ACACA: variants seen among roughly 807,000 people sequenced by gnomAD.
ACACA encodes acetyl-CoA carboxylase alpha.
In ACACA, 103 loss-of-function variants were observed where a neutral mutation model predicts 296.1. That is an observed-to-expected ratio of 0.35 (90% CI 0.30 to 0.41). The LOEUF (loss-of-function observed/expected upper bound fraction) is 0.41. Ranked by LOEUF, ACACA falls within the 10% of genes least tolerant of loss-of-function variation. ACACA has a pLI of 1.00. For missense variants in ACACA, 1,554 were observed against 2,989.7 expected (o/e 0.52, Z 11.20); for synonymous variants, 953 against 1,038.6 (o/e 0.92, Z 1.58).
intron 3 of ACACA, among the ~76,000 whole-genome samples, chr17:37,325,686 T>C (rs1442546333): frequency 7.1e-6 from 1 of 141,508 alleles, no homozygotes; most frequent in African/African-American, 2.7e-5. Flanking sequence ...GCACTTCTCC[T>C]GCCTCAGCCT....
At chr17:37,348,702 C>T (rs9893734) in intron 1 of ACACA, among the ~76,000 whole-genome samples, 28,858 of 151,788 alleles carry the variant, frequency 0.19, 3,095 homozygotes, top group Admixed American at 0.33. Flanking sequence ...TATACGGGCG[C>T]GGTAATTCCA....
chr17:37,246,742 T>C (rs966481168), intron 19 of ACACA, 84 bp downstream of exon 19: 4 of 1,559,130 alleles, frequency 2.6e-6, no homozygotes, highest in South Asian at 2.2e-5. Context: ...CTCCTTTCTG[T>C]AACTTTTCAG....
Position 37,087,293 on chromosome 17 carries a change from C to T in ACACA, c.*23G>A. 6.2e-7 allele frequency: 1 copy of T among 1,613,930 alleles called. No individual in the cohort carries two copies. ...CTAGCCCTTTTCTCCAGAGACAGGG[C>T]AGGGACAGGCAGGAAGCTCTTCCTA... On this transcript the variant is annotated 3_prime_UTR_variant, in exon 56 of 56. Transcript: ENST00000616317.
chr17:37,356,409 C>T (rs1468090407), intron 1 of ACACA, among the ~76,000 whole-genome samples: 1 of 151,974 alleles, frequency 6.6e-6, no homozygotes, highest in Non-Finnish European at 1.5e-5. Flanking sequence ...GACGGAGTCT[C>T]ACTCTGTCAC....
At chr17:37,285,120 G>T (rs2082708247) in intron 3 of ACACA, 150 bp from the exon 4 acceptor site, 35 of 871,166 alleles carry the variant, frequency 4.0e-5, no homozygotes, top group East Asian at 1.3e-4. Context: ...AGAGAGAAAA[G>T]AAAATGATCT....
chr17:37,242,598 G>GTGCA (rs2080470247), intron 22 of ACACA, among the ~76,000 whole-genome samples: 1 of 152,080 alleles, frequency 6.6e-6, no homozygotes, highest in South Asian at 2.1e-4. Flanking sequence ...GGGCATAGTG[G>GTGCA]TGCACATCTG....
intron 3 of ACACA, among the ~76,000 whole-genome samples, chr17:37,297,969 A>G (rs1385443796): frequency 2.6e-5 from 4 of 152,066 alleles, no homozygotes; most frequent in Non-Finnish European, 5.9e-5. Context: ...TTTGGAAAAA[A>G]AATTTTTAGA....
intron 1 of ACACA, among the ~76,000 whole-genome samples, chr17:37,375,023 T>A (rs2049945296): frequency 6.6e-6 from 1 of 151,576 alleles, no homozygotes; most frequent in Non-Finnish European, 1.5e-5. Context: ...TGGTGAAACC[T>A]GTCTCTACTA....
chr17:37,169,332 T>C (rs2076800612), intron 41 of ACACA, among the ~76,000 whole-genome samples: 1 of 152,226 alleles, frequency 6.6e-6, no homozygotes, highest in African/African-American at 2.4e-5. Flanking sequence ...CAAAATTGAA[T>C]TTGATACTGG....
At chr17:37,135,767 C>T (rs539672310) in intron 45 of ACACA, among the ~76,000 whole-genome samples, 8 of 152,144 alleles carry the variant, frequency 5.3e-5, no homozygotes, top group African/African-American at 1.9e-4. Context: ...AGGAGCCACA[C>T]AATAGTTTGC....
chr17:37,387,365 GC>G (rs1205208594), intron 1 of ACACA: 1 of 151,582 alleles, frequency 6.6e-6, no homozygotes, highest in Non-Finnish European at 1.5e-5. Flanking sequence ...TGATCCGCCT[GC>G]CTCAGCCTCC....
rs1489489714 is a variant in ACACA at position 37,087,068 on chromosome 17, GA to G, written c.*247del. The G allele has an allele frequency of 3.3e-6, 2 of 597,986 alleles. No individual in the cohort carries two copies. The highest frequency in any genetic ancestry group is 2.9e-5 in the East Asian group (1 of 34,606). 37.0% of individuals were successfully genotyped at this position (597,986 alleles called of 1,614,324 possible). On this transcript the variant is annotated 3_prime_UTR_variant, in exon 56 of 56. Coordinates refer to ENST00000616317, the MANE Select transcript of ACACA (RefSeq NM_198834.3). ...CATTGCCTTCTCAGTCCTGTGCAGG[GA>G]GTGGAGGACTAGGCCTGGCCAGGGT...
At chr17:37,302,638 A>G (rs887304242) in intron 3 of ACACA, among the ~76,000 whole-genome samples, 9 of 152,230 alleles carry the variant, frequency 5.9e-5, no homozygotes, top group African/African-American at 1.9e-4. Flanking sequence ...GTTTTAGTGT[A>G]TAAGTCTTAT....
intron 35 of ACACA, among the ~76,000 whole-genome samples, chr17:37,196,457 TG>T (rs1219290276): frequency 6.6e-6 from 1 of 151,952 alleles, no homozygotes; most frequent in Non-Finnish European, 1.5e-5. Context: ...TTAAATCTCA[TG>T]AAATTTTACA....
intron 36 of ACACA, among the ~76,000 whole-genome samples, chr17:37,192,699 A>G (rs1301696301): frequency 2.0e-5 from 3 of 152,180 alleles, no homozygotes; most frequent in Non-Finnish European, 2.9e-5. Context: ...TTTTGAGCTT[A>G]CCCAACTAAT....
intron 45 of ACACA, among the ~76,000 whole-genome samples, chr17:37,139,931 A>G (rs981771114): frequency 6.6e-6 from 1 of 152,240 alleles, no homozygotes; most frequent in African/African-American, 2.4e-5. Flanking sequence ...TCAATTTCCA[A>G]TTGGTCATAT....
rs116844954 is a variant in ACACA, at chr17:37,177,095, C to T, written c.5079+2165G>A. ...AAATCTTTTGAAGAAATACTATTCA[C>T]TTTCTGGTTTCAAAACTATTAAAGC... On this transcript the variant is annotated intron_variant, in intron 41 of 55. Coordinates refer to ENST00000616317, the MANE Select transcript of ACACA (RefSeq NM_198834.3). Among the ~76,000 whole-genome samples the T allele has an allele frequency of 8.9e-3, 1,356 of 152,190 alleles. 9 individuals are homozygous for T. Among genetic ancestry groups the T allele is most frequent in the Middle Eastern group, 0.017 (5 of 294 alleles).
chr17:37,306,113 T>C lies in ACACA; in HGVS notation c.339-21143A>G, dbSNP rs2083873893. On this transcript the variant is annotated intron_variant, in intron 3 of 55. Coordinates refer to ENST00000616317, the MANE Select transcript of ACACA (RefSeq NM_198834.3). ...TTAGTAGAGAAGGGGTTTCACCGTGTTAGCCAGGATGGTCTCAATCTCCTG... is the reference window on the plus strand; with the variant it reads ...TTAGTAGAGAAGGGGTTTCACCGTGCTAGCCAGGATGGTCTCAATCTCCTG... Among the ~76,000 whole-genome samples the C allele has an allele frequency of 2.0e-5, 3 of 152,170 alleles. No individual in the cohort carries two copies. In the South Asian group the frequency reaches 6.2e-4, roughly 32 times the overall value.
At chr17:37,103,348 G>A (rs898036292) in intron 52 of ACACA, among the ~76,000 whole-genome samples, 4 of 152,192 alleles carry the variant, frequency 2.6e-5, no homozygotes, top group Admixed American at 6.5e-5. Context: ...CGTTTGTCAG[G>A]AGCATTTCTT....
Sources: gnomAD v4.1 joint callset for allele counts (sites outside exome capture counted in the v4.1 genomes callset) on GRCh38, gnomAD v4.1.1 for gene constraint, MANE v1.5 for transcripts, NCBI Gene and HGNC (gene_info 2026-07-23, HGNC 2026-07-21) for gene names.